Variants in SERPINB6 observed in about 807,000 individuals in gnomAD.
SERPINB6 encodes serpin B6.
In SERPINB6, 16 loss-of-function variants were observed where a neutral mutation model predicts 26.1. The observed-to-expected ratio is 0.61, with a 90% CI of 0.42 to 0.93. The LOEUF (loss-of-function observed/expected upper bound fraction) is 0.93. Ranked by LOEUF, SERPINB6 falls within the 40% of genes least tolerant of loss-of-function variation. The pLI is 0.00. For synonymous variants in SERPINB6, 174 were observed against 176.6 expected (o/e 0.99, Z 0.11); for missense variants, 420 against 478.0 (o/e 0.88, Z 1.13).
intron 1 of SERPINB6, chr6:2,961,121 T>C (rs1187723064): frequency 6.6e-6 from 1 of 152,204 alleles, no homozygotes; most frequent in Admixed American, 6.5e-5. Context: ...ATGTGCAGTT[T>C]AGCCACGAAT....
At chr6:2,962,981 A>G (rs1370318627) in intron 1 of SERPINB6, among the ~76,000 whole-genome samples, 1 of 152,230 alleles carries the variant, frequency 6.6e-6, no homozygotes, top group Non-Finnish European at 1.5e-5. Flanking sequence ...CTTTGTTCAG[A>G]TAGTTCTGGC....
chr6:2,955,978 A>G, intron 2 of SERPINB6: 1 of 301,508 alleles, frequency 3.3e-6, no homozygotes. Flanking sequence ...CGGGAAGCTG[A>G]GGAAAGAGAA....
At chr6:2,953,867 A>T (rs571206973) in intron 4 of SERPINB6, among the ~76,000 whole-genome samples, 1 of 152,020 alleles carries the variant, frequency 6.6e-6, no homozygotes, top group South Asian at 2.1e-4. Flanking sequence ...TGTCTCTACT[A>T]AAAAATACAA....
At position 2,948,442 on chromosome 6, in the gene SERPINB6, C is replaced by T; in HGVS notation, c.987G>A (p.Glu329=). 22 of 1,614,188 alleles carry T rather than the reference C, an allele frequency of 1.4e-5. No homozygotes were observed. Among genetic ancestry groups the T allele is most frequent in the Non-Finnish European group, 1.9e-5 (22 of 1,180,036 alleles). Reference sequence around the variant, plus strand: ...TGATGGCAGCTGTGGCGGCTGCAGCCTCCGTGCCTTCCTCATTGACCTCCA... The same window carrying T: ...TGATGGCAGCTGTGGCGGCTGCAGCTTCCGTGCCTTCCTCATTGACCTCCA... ...SFVEVNEEGT[E]AAAATAAIMM... is the part of the protein sequence containing the mutation. Residue 329 remains glutamate, a synonymous_variant, in exon 7 of 7, where the codon GAG becomes GAA. Transcript: ENST00000380539. The surrounding 1 kb of genome is among the most constrained non-coding windows in gnomAD (Gnocchi z 5.0).
intron 1 of SERPINB6, chr6:2,969,658 A>G: frequency 1.0e-6 from 1 of 985,156 alleles, no homozygotes; most frequent in African/African-American, 1.7e-5. Context: ...TGTGCTTCTC[A>G]ACTTCTATTA....
At chr6:2,969,859 A>G in intron 1 of SERPINB6, 1 of 949,480 alleles carries the variant, frequency 1.1e-6, no homozygotes. Context: ...TTTTCAGGCT[A>G]GGCGCAGTGG....
chr6:2,970,475 T>C lies in SERPINB6; in HGVS notation c.-11+1058A>G, dbSNP rs1268767669. Reference sequence around the variant, plus strand: ...CCAGCACACATAAAAGCCCCAGCAATACAAGGCCGGCCCAGGACCTTAACT... The same window carrying C: ...CCAGCACACATAAAAGCCCCAGCAACACAAGGCCGGCCCAGGACCTTAACT... On this transcript the variant is annotated intron_variant, in intron 1 of 6. Coordinates refer to ENST00000380539, the MANE Select transcript of SERPINB6 (RefSeq NM_004568.6). The C allele has an allele frequency of 2.7e-6, 3 of 1,117,294 alleles. No individual in the cohort carries two copies. In the East Asian group the frequency reaches 1.4e-4, roughly 51 times the overall value. 69.2% of individuals were successfully genotyped at this position (1,117,294 alleles called of 1,614,324 possible).
rs763146584 is a variant in SERPINB6 at position 2,959,161 on chromosome 6, G to A, written c.165+7C>T. On this transcript the variant is annotated splice_region_variant and intron_variant, in intron 2 of 6. Transcript: ENST00000380539. The stretch of plus-strand genomic sequence containing the variant: ...TTAATAGCACCATGGCTGCCCTGAA[G>A]CTGTACCTGGGCCATCTGTGCAGCG... 2.5e-6 allele frequency: 4 copies of A among 1,614,082 alleles called. No homozygotes were observed. The highest frequency in any genetic ancestry group is 1.3e-5 in the African/African-American group (1 of 74,926).
At chr6:2,953,833 A>G (rs1393043394) in intron 4 of SERPINB6, among the ~76,000 whole-genome samples, 1 of 152,136 alleles carries the variant, frequency 6.6e-6, no homozygotes, top group Non-Finnish European at 1.5e-5. Flanking sequence ...GATTGAGATC[A>G]TCCTGGCCAA....
Position 2,948,637 on chromosome 6 carries a change from T to C in SERPINB6, c.792A>G (p.Glu264=), listed in dbSNP as rs1276311640. Residue 264 remains glutamate (E), a synonymous_variant, in exon 7 of 7, where the codon GAA becomes GAG. Transcript: ENST00000380539. The surrounding 1 kb of genome is among the most constrained non-coding windows in gnomAD (Gnocchi z 5.0). ...GCGGGAGGGACACTTCCACCTCCTC[T>C]TCATCCATCATGTCCAGCCTCGTCC... ...VEWTRLDMMD[E]EEVEVSLPRF... 3 of 1,614,050 alleles carry C rather than the reference T, an allele frequency of 1.9e-6. No homozygotes were observed. The highest frequency in any genetic ancestry group is 1.7e-5 in the Admixed American group (1 of 60,006).
rs201547161 is a variant in SERPINB6, at chr6:2,956,122, A to AG, written c.166-453dup. On this transcript the variant is annotated intron_variant, in intron 2 of 6. Transcript: ENST00000380539. ...GATTAAAGGCCAGAAGGGTCTTGAA[A>AG]GCCCCTCCCTGTACCCTGTCTGTGC... The AG allele has an allele frequency of 2.1e-5, 4 of 189,214 alleles. No individual in the cohort carries two copies. In the East Asian group the frequency reaches 5.2e-4, roughly 25 times the overall value. 11.7% of individuals were successfully genotyped at this position (189,214 alleles called of 1,614,324 possible).
intron 1 of SERPINB6, chr6:2,968,719 C>G (rs980614803): frequency 1.6e-6 from 2 of 1,231,338 alleles, no homozygotes; most frequent in East Asian, 6.3e-5. Flanking sequence ...TCCTAACAAC[C>G]CTTGGATGTC....
chr6:2,971,188 C>A (rs1452657716), intron 1 of SERPINB6: 1 of 990,674 alleles, frequency 1.0e-6, no homozygotes, highest in African/African-American at 1.7e-5. Context: ...TGGGCCTGGG[C>A]GCCCGGGGTC....
chr6:2,970,903 G>C (rs1772088236), intron 1 of SERPINB6: 3 of 1,230,308 alleles, frequency 2.4e-6, no homozygotes, highest in Non-Finnish European at 3.0e-6. Flanking sequence ...AGGTCTGGGC[G>C]ACCTGAAAGT....
chr6:2,959,192 T>C lies in SERPINB6; in HGVS notation c.141A>G (p.Gly47=), dbSNP rs1366353418. The change falls in exon 2 of 7, where the codon GGA becomes GGG. Residue 47 remains glycine (G), a synonymous_variant. Coordinates refer to ENST00000380539, the MANE Select transcript of SERPINB6 (RefSeq NM_004568.6). ...ALAMVYMGAK[G]NTAAQMAQIL... ...CCTGGGCCATCTGTGCAGCGGTGTTTCCCTTTGCCCCCATGTAGACCATGG... is the reference window on the plus strand; with the variant it reads ...CCTGGGCCATCTGTGCAGCGGTGTTCCCCTTTGCCCCCATGTAGACCATGG... 1 of 1,614,094 alleles carries C rather than the reference T, an allele frequency of 6.2e-7. No individual in the cohort carries two copies. The highest frequency in any genetic ancestry group is 8.5e-7 in the Non-Finnish European group (1 of 1,180,048).
At chr6:2,953,310 C>A in intron 4 of SERPINB6, 124 bp from the exon 5 acceptor site, 1 of 1,310,510 alleles carries the variant, frequency 7.6e-7, no homozygotes. Flanking sequence ...CACTGTCCCC[C>A]AAATATAAAG....
chr6:2,963,957 T>C (rs1771381515), intron 1 of SERPINB6: 1 of 152,260 alleles, frequency 6.6e-6, no homozygotes, highest in African/African-American at 2.4e-5. Flanking sequence ...ACCTCATGAC[T>C]ATCCATGTCA....
intron 1 of SERPINB6, chr6:2,964,154 A>G (rs1030102858): frequency 6.6e-6 from 1 of 152,240 alleles, no homozygotes; most frequent in Non-Finnish European, 1.5e-5. Flanking sequence ...GTAAATTGGT[A>G]CACCAGTATT....
intron 1 of SERPINB6, among the ~76,000 whole-genome samples, chr6:2,964,502 G>A (rs916515849): frequency 4.6e-5 from 7 of 152,170 alleles, no homozygotes; most frequent in African/African-American, 1.7e-4. Flanking sequence ...AGACAGAATA[G>A]AGGGAAATAC....
Sources: gnomAD v4.1 joint callset for allele counts (sites outside exome capture counted in the v4.1 genomes callset) on GRCh38, gnomAD v4.1.1 for gene constraint, Gnocchi (gnomAD v3.1) non-coding constraint, MANE v1.5 for transcripts, NCBI Gene and HGNC (gene_info 2026-07-23, HGNC 2026-07-21) for gene names.